The following CORO2B variants were observed in gnomAD, a reference collection of about 807,000 sequenced individuals.
CORO2B encodes the protein coronin-2B.
In CORO2B, 26 loss-of-function variants were observed where a neutral mutation model predicts 58.8. The observed-to-expected ratio is 0.44, with a 90% CI of 0.32 to 0.61. CORO2B has a LOEUF of 0.61. Among genes scored for constraint, CORO2B ranks in the 20% least tolerant of loss-of-function variants. The pLI is 0.04. For missense variants in CORO2B, 460 were observed against 645.1 expected, an observed-to-expected ratio of 0.71 and a Z score of 3.11; for synonymous variants, 242 against 253.8, an observed-to-expected ratio of 0.95 and a Z score of 0.44.
chr15:68,544,937 C>T, the CORO2B span, among the ~76,000 whole-genome samples: 3 of 152,160 alleles, frequency 2.0e-5, no homozygotes, highest in African/African-American at 4.8e-5. Context: ...CCATCATGCC[C>T]GGCTAATTTT....
intron 2 of CORO2B, among the ~76,000 whole-genome samples, chr15:68,690,192 G>A (rs921331962): frequency 5.3e-5 from 8 of 152,114 alleles, no homozygotes; most frequent in Non-Finnish European, 8.8e-5. Context: ...ATCAGTGATC[G>A]TGGGAATATT....
intron 2 of CORO2B, among the ~76,000 whole-genome samples, chr15:68,649,143 C>T (rs1901552865): frequency 6.6e-6 from 1 of 152,140 alleles, no homozygotes; most frequent in South Asian, 2.1e-4. Context: ...TTTGTAAACA[C>T]TTCATGGACA....
chr15:68,703,429 G>C (rs975862373), intron 3 of CORO2B, among the ~76,000 whole-genome samples: 1 of 152,090 alleles, frequency 6.6e-6, no homozygotes, highest in Non-Finnish European at 1.5e-5. Flanking sequence ...GGGATTACAG[G>C]TGTGAGCCAC....
At chr15:68,630,326 C>T (rs956615698) in intron 1 of CORO2B, among the ~76,000 whole-genome samples, 2 of 152,166 alleles carry the variant, frequency 1.3e-5, no homozygotes, top group Non-Finnish European at 2.9e-5. Context: ...CTGAGCTGTG[C>T]AACTTTTCCG....
rs532431600 is a variant in CORO2B, at chr15:68,650,356, TAAAAAAAAAAAAAAAAAAAAAAAAAAAA to T, written c.216+5019_216+5046del. ...TGGGCAACAAGAGCGAAACTCTGTC[TAAAAAAAAAAAAAAAAAAAAAAAAAAAA>T]AAAAAAAAAAAAAAAAAAAAAATGG... On this transcript the variant is annotated intron_variant, in intron 2 of 11. Transcript: ENST00000261861. 3.3e-3 allele frequency among the ~76,000 whole-genome samples: 288 copies of T among 86,084 alleles called. 5 individuals carry two copies. Among genetic ancestry groups the T allele is most frequent in the African/African-American group, 0.011 (256 of 22,538 alleles). 56.5% of individuals were successfully genotyped at this position (86,084 alleles called of 152,430 possible). A position where few individuals can be genotyped will look rare whatever the true frequency, so the allele number is the denominator to read the frequency against.
the CORO2B span, among the ~76,000 whole-genome samples, chr15:68,548,132 C>G: frequency 7.9e-5 from 12 of 151,830 alleles, no homozygotes; most frequent in Admixed American, 1.3e-4. Context: ...GATCATGCCA[C>G]TGCACTCCAG....
intron 8 of CORO2B, among the ~76,000 whole-genome samples, chr15:68,717,427 T>C (rs1893057720): frequency 6.6e-6 from 1 of 151,946 alleles, no homozygotes. Context: ...CAAGAGAGAA[T>C]AATAGGTGGG....
At chr15:68,652,330 G>C (rs1470215508) in intron 2 of CORO2B, among the ~76,000 whole-genome samples, 3 of 152,164 alleles carry the variant, frequency 2.0e-5, no homozygotes, top group Admixed American at 6.5e-5. Flanking sequence ...CTGATTGCCT[G>C]GCACAGCTGG....
the CORO2B span, among the ~76,000 whole-genome samples, chr15:68,542,381 C>T: frequency 2.0e-5 from 3 of 152,244 alleles, no homozygotes; most frequent in Admixed American, 6.5e-5. Context: ...AAATGTTTCT[C>T]CACTGCATGG....
intron 1 of CORO2B, among the ~76,000 whole-genome samples, chr15:68,619,014 T>C (rs368467837): frequency 3.2e-4 from 48 of 152,302 alleles, no homozygotes; most frequent in African/African-American, 1.1e-3. Context: ...GCAAGGATAC[T>C]TGTCAGAAGA....
At chr15:68,716,482 T>C (rs971073032) in intron 8 of CORO2B, among the ~76,000 whole-genome samples, 1 of 152,148 alleles carries the variant, frequency 6.6e-6, no homozygotes, top group African/African-American at 2.4e-5. Flanking sequence ...CGAAGTCCAG[T>C]GGCAAATAAA....
intron 2 of CORO2B, among the ~76,000 whole-genome samples, chr15:68,662,813 A>G (rs908528714): frequency 1.7e-4 from 26 of 152,190 alleles, no homozygotes; most frequent in Non-Finnish European, 7.3e-5. Flanking sequence ...AAGTGTGTGT[A>G]TGTTTTGATA....
chr15:68,669,598 A>G (rs1263155854), intron 2 of CORO2B, among the ~76,000 whole-genome samples: 2 of 152,152 alleles, frequency 1.3e-5, no homozygotes, highest in African/African-American at 4.8e-5. Flanking sequence ...GTTGAGCTCA[A>G]TGGGCAATGC....
chr15:68,560,781 C>A, the CORO2B span, among the ~76,000 whole-genome samples: 1 of 152,178 alleles, frequency 6.6e-6, no homozygotes, highest in African/African-American at 2.4e-5. Flanking sequence ...ACCTTGAGGG[C>A]AGGGTGCTAG....
At chr15:68,577,424 T>C (rs1328037088), upstream of CORO2B, among the ~76,000 whole-genome samples, 4 of 151,806 alleles carry the variant, frequency 2.6e-5, no homozygotes, top group South Asian at 8.3e-4. Flanking sequence ...CCCAAGAAAA[T>C]GTGGTTAAAA....
At position 68,726,002 on chromosome 15, in the gene CORO2B, G is replaced by T. The variant is rs201705107; in HGVS notation, c.*28G>T. On this transcript the variant is annotated 3_prime_UTR_variant, in exon 12 of 12. Coordinates refer to ENST00000261861, the MANE Select transcript of CORO2B (RefSeq NM_006091.5). Reference sequence around the variant, plus strand: ...CCCCAGCTGGGCTGTTTTCTAAGCCGATCTCTCCGTCGTTTCTACTCATCC... The same window carrying T: ...CCCCAGCTGGGCTGTTTTCTAAGCCTATCTCTCCGTCGTTTCTACTCATCC... The T allele has an allele frequency of 1.9e-6, 3 of 1,610,140 alleles. No homozygotes were observed. The highest frequency in any genetic ancestry group is 1.7e-5 in the Admixed American group (1 of 59,934).
chr15:68,641,215 C>A (rs189510831), intron 1 of CORO2B, among the ~76,000 whole-genome samples: 1 of 152,196 alleles, frequency 6.6e-6, no homozygotes, highest in Non-Finnish European at 1.5e-5. Context: ...GGCCCATCCC[C>A]GGGGAACACG....
chr15:68,629,840 CTG>C (rs374994406), intron 1 of CORO2B, among the ~76,000 whole-genome samples: 1 of 151,538 alleles, frequency 6.6e-6, no homozygotes. Flanking sequence ...GTGTGTGTGT[CTG>C]TGTGTGTGTG....
the CORO2B span, among the ~76,000 whole-genome samples, chr15:68,560,269 C>CT: frequency 6.6e-5 from 10 of 151,434 alleles, no homozygotes; most frequent in East Asian, 5.9e-4. Context: ...CTTTTTCGTT[C>CT]TTTTTTTTCT....
Sources: gnomAD v4.1 joint callset for allele counts (sites outside exome capture counted in the v4.1 genomes callset) on GRCh38, gnomAD v4.1.1 for gene constraint, MANE v1.5 for transcripts, NCBI Gene and HGNC (gene_info 2026-07-23, HGNC 2026-07-21) for gene names.